Variants in APC observed in about 807,000 individuals in gnomAD.
APC encodes the protein APC regulator of Wnt signaling pathway.
A neutral mutation model predicts 247.0 loss-of-function variants in APC; 72 were observed. The ratio of observed to expected loss-of-function variants is 0.29; its 90% confidence interval spans 0.24 to 0.35. The LOEUF (loss-of-function observed/expected upper bound fraction) is 0.35, where lower values mean the gene tolerates loss of function less well. Among genes scored for constraint, APC ranks in the 10% least tolerant of loss-of-function variants. APC has a pLI of 1.00. For missense variants in APC, 3,400 were observed against 3,360.7 expected (o/e 1.01, Z -0.29); for synonymous variants, 1,254 against 1,162.5 (o/e 1.08, Z -1.60).
rs563219702 is a variant in APC at position 112,840,913 on chromosome 5, T to C, written c.5319T>C (p.Thr1773=). The change falls in exon 16 of 16, where the codon ACT becomes ACC. Residue 1773 remains threonine, a synonymous_variant. Transcript: ENST00000257430. This position sits in a 1 kb window ranked among gnomAD's most constrained non-coding sequence, Gnocchi z 4.1. Reference sequence around the variant, plus strand: ...TAGATGGTAAGAAAAAGAAACCAACTTCACCAGTAAAACCTATACCACAAA... The same window carrying C: ...TAGATGGTAAGAAAAAGAAACCAACCTCACCAGTAAAACCTATACCACAAA... ...NQLDGKKKKP[T]SPVKPIPQNT... is the part of the protein sequence containing the mutation. 4 of 1,613,870 alleles carry C rather than the reference T, an allele frequency of 2.5e-6. No homozygotes were observed. The African/African-American group carries it at 4.0e-5, about 16-fold the overall frequency.
At chr5:112,834,582 T>C (rs1359041889) in intron 14 of APC, among the ~76,000 whole-genome samples, 2 of 152,140 alleles carry the variant, frequency 1.3e-5, no homozygotes, top group Non-Finnish European at 2.9e-5. Flanking sequence ...CACTTTTTTT[T>C]TTCTTTTTTC....
rs191494702 is a variant in APC, at chr5:112,806,786, C to T, written c.834+5403C>T. Among the ~76,000 whole-genome samples the T allele has an allele frequency of 4.1e-3, 621 of 152,054 alleles. 3 individuals are homozygous for T. Among genetic ancestry groups the T allele is most frequent in the Middle Eastern group, 0.01 (3 of 294 alleles). On this transcript the variant is annotated intron_variant, in intron 8 of 15. Transcript: ENST00000257430. The stretch of plus-strand genomic sequence containing the variant: ...AGAGATAGGATCTCACTATATTGTC[C>T]AGGCTGGTTTTGAATTCCCAAGCTC...
intron 1 of APC, among the ~76,000 whole-genome samples, chr5:112,716,611 TG>T (rs907146688): frequency 2.1e-4 from 32 of 152,324 alleles, no homozygotes; most frequent in African/African-American, 6.0e-4. Context: ...GGTGATCTTT[TG>T]TTTGCTCATC....
chr5:112,792,617 T>C lies in APC; in HGVS notation c.729+88T>C, dbSNP rs79627325. 3.0e-3 allele frequency: 2,735 copies of C among 925,888 alleles called. 84 individuals carry two copies. In the East Asian group the frequency reaches 0.062, roughly 21 times the overall value. 57.4% of individuals were successfully genotyped at this position (925,888 alleles called of 1,614,324 possible). A position where few individuals can be genotyped will look rare whatever the true frequency, so the allele number is the denominator to read the frequency against. On this transcript the variant is annotated intron_variant, in intron 7 of 15. Transcript: ENST00000257430. ...ACATGTATAATTTAATGTGACACCA[T>C]TGAAATATAGATGTTCTTTCAGAGA...
At chr5:112,759,829 T>A (rs1755451912) in intron 2 of APC, among the ~76,000 whole-genome samples, 2 of 152,144 alleles carry the variant, frequency 1.3e-5, no homozygotes, top group African/African-American at 4.8e-5. Flanking sequence ...CAAAGAACTT[T>A]TTGAAACATT....
rs1267993620 is a variant in APC at position 112,844,036 on chromosome 5, G to A, written c.8442G>A (p.Lys2814=). The stretch of plus-strand genomic sequence containing the variant: ...CAACTCCAGTGAATAACAACACAAA[G>A]AAGCGAGATTCCAAAACTGACAGCA... ...QIPTPVNNNT[K]KRDSKTDSTE... Residue 2814 remains lysine, a synonymous_variant, in exon 16 of 16, where the codon AAG becomes AAA. Coordinates refer to ENST00000257430, the MANE Select transcript of APC (RefSeq NM_000038.6). 6.2e-7 allele frequency: 1 copy of A among 1,602,796 alleles called. No individual in the cohort carries two copies. Among genetic ancestry groups the A allele is most frequent in the South Asian group, 1.1e-5 (1 of 88,450 alleles).
At chr5:112,802,896 A>G (rs919937860) in intron 8 of APC, among the ~76,000 whole-genome samples, 1 of 152,120 alleles carries the variant, frequency 6.6e-6, no homozygotes, top group Non-Finnish European at 1.5e-5. Context: ...CCAGCTATTT[A>G]AAGAGTATCT....
At chr5:112,819,761 G>A (rs1302767353) in intron 10 of APC, among the ~76,000 whole-genome samples, 2 of 152,188 alleles carry the variant, frequency 1.3e-5, no homozygotes, top group Non-Finnish European at 1.5e-5. Flanking sequence ...AGGGGATACA[G>A]AGCAGCGTTA....
Position 112,844,005 on chromosome 5 carries a change from A to G in APC, c.8411A>G (p.Gln2804Arg), listed in dbSNP as rs1475247315. 6.2e-7 allele frequency: 1 copy of G among 1,601,546 alleles called. No individual in the cohort carries two copies. The highest frequency in any genetic ancestry group is 1.7e-5 in the Admixed American group (1 of 57,342). Residue 2804 changes from glutamine to arginine, a missense_variant, in exon 16 of 16, where the codon CAG becomes CGG. Physicochemically the swap from Gln to Arg is conservative, Grantham distance 43 (BLOSUM62 1). Around this residue, in one of 9 missense-constraint regions of APC, gnomAD observed 1,788 missense variants for 1,649.5 expected, o/e 1.08. Coordinates refer to ENST00000257430, the MANE Select transcript of APC (RefSeq NM_000038.6). Reference protein sequence around the residue: ...SADSTSARPSQIPTPVNNNTK... With the variant: ...SADSTSARPSRIPTPVNNNTK... ...GATAGCACTTCAGCTCGGCCATCTC[A>G]GATCCCAACTCCAGTGAATAACAAC...
In APC at chr5:112,819,024, C is replaced by T. The variant is rs745918184; in HGVS notation, c.992C>T (p.Ser331Leu). Residue 331 changes from serine (S) to leucine (L), a missense_variant, in exon 10 of 16, where the codon TCG becomes TTG. Physicochemically the swap from Ser to Leu is moderately radical, Grantham distance 145. This residue lies in a region of APC where 199 missense variants were observed against 212.5 expected (regional missense o/e 0.94). Coordinates refer to ENST00000257430, the MANE Select transcript of APC (RefSeq NM_000038.6). ...MLGTHDKDDMSRTLLAMSSSQ... is the reference protein window; with the variant it reads ...MLGTHDKDDMLRTLLAMSSSQ... ...GGTACTCATGATAAGGATGATATGTCGCGAACTTTGCTAGCTATGTCTAGC... is the reference window on the plus strand; with the variant it reads ...GGTACTCATGATAAGGATGATATGTTGCGAACTTTGCTAGCTATGTCTAGC... 1.2e-6 allele frequency: 2 copies of T among 1,613,904 alleles called. No homozygotes were observed. Among genetic ancestry groups the T allele is most frequent in the Non-Finnish European group, 1.7e-6 (2 of 1,179,986 alleles).
Position 112,842,310 on chromosome 5 carries a change from G to T in APC, c.6716G>T (p.Ser2239Ile). 6.2e-7 allele frequency: 1 copy of T among 1,613,740 alleles called. No individual in the cohort carries two copies. The highest frequency in any genetic ancestry group is 2.2e-5 in the East Asian group (1 of 44,876). ...ATTCATATTCCAGGAGTTCGAAATA[G>T]CTCCTCAAGTACAAGTCCTGTTTCT... is the stretch of plus-strand genomic sequence containing the variant. ...TMIHIPGVRN[S>I]SSSTSPVSKK... Residue 2239 changes from serine (S) to isoleucine (I), a missense_variant, in exon 16 of 16, where the codon AGC (serine) becomes ATC (isoleucine). Transcript: ENST00000257430.
chr5:112,792,925 G>A (rs1344897470), intron 7 of APC, among the ~76,000 whole-genome samples: 1 of 152,058 alleles, frequency 6.6e-6, no homozygotes, highest in Non-Finnish European at 1.5e-5. Context: ...AATGAAAGAG[G>A]CATTAAGACC....
At chr5:112,752,948 C>T (rs146819035) in intron 1 of APC, among the ~76,000 whole-genome samples, 48 of 152,212 alleles carry the variant, frequency 3.2e-4, no homozygotes, top group African/African-American at 1.1e-3. Flanking sequence ...TTTTAGCAGT[C>T]TCTGCTCATC....
At position 112,754,984 on chromosome 5, in the gene APC, A is replaced by T. The variant is rs587781972; in HGVS notation, c.94A>T (p.Asn32Tyr). 2 of 1,613,728 alleles carry T rather than the reference A, an allele frequency of 1.2e-6. No homozygotes were observed. Among genetic ancestry groups the T allele is most frequent in the African/African-American group, 2.7e-5 (2 of 74,926 alleles). The change falls in exon 2 of 16, where the codon AAT (asparagine) becomes TAT (tyrosine). Residue 32 changes from asparagine (N) to tyrosine (Y), a missense_variant. Physicochemically the swap from Asn to Tyr is moderately radical, Grantham distance 143. Coordinates refer to ENST00000257430, the MANE Select transcript of APC (RefSeq NM_000038.6). ...TCGACAAGAGCTAGAAGATAATTCC[A>T]ATCATCTTACAAAACTGGAAACTGA... Reference protein sequence around the residue: ...NLRQELEDNSNHLTKLETEAS... With the variant: ...NLRQELEDNSYHLTKLETEAS...
At chr5:112,777,896 T>C (rs1184346775) in intron 5 of APC, 1 of 206,450 alleles carries the variant, frequency 4.8e-6, no homozygotes, top group East Asian at 1.3e-4. Flanking sequence ...TGTCATCAGA[T>C]TCACTGTCAG....
chr5:112,755,806 T>G (rs1754908492), intron 2 of APC, among the ~76,000 whole-genome samples: 1 of 152,154 alleles, frequency 6.6e-6, no homozygotes, highest in East Asian at 1.9e-4. Context: ...GAATTGGACA[T>G]TATCAACAAA....
chr5:112,760,514 G>A (rs1223029317), intron 2 of APC, among the ~76,000 whole-genome samples: 2 of 152,206 alleles, frequency 1.3e-5, no homozygotes, highest in African/African-American at 4.8e-5. Flanking sequence ...TTTAAGGCTA[G>A]AGAGTTAAGT....
Position 112,844,029 on chromosome 5 carries a change from A to G in APC, c.8435A>G (p.Asn2812Ser), listed in dbSNP as rs777495719. Reference protein sequence around the residue: ...PSQIPTPVNNNTKKRDSKTDS... With the variant: ...PSQIPTPVNNSTKKRDSKTDS... The stretch of plus-strand genomic sequence containing the variant: ...CAGATCCCAACTCCAGTGAATAACA[A>G]CACAAAGAAGCGAGATTCCAAAACT... The change falls in exon 16 of 16, where the codon AAC (asparagine) becomes AGC (serine). Residue 2812 changes from asparagine to serine, a missense_variant. Around this residue, in one of 9 missense-constraint regions of APC, gnomAD observed 1,788 missense variants for 1,649.5 expected, o/e 1.08. Coordinates refer to ENST00000257430, the MANE Select transcript of APC (RefSeq NM_000038.6). The G allele has an allele frequency of 3.1e-6, 5 of 1,603,128 alleles. No individual in the cohort carries two copies. Among genetic ancestry groups the G allele is most frequent in the South Asian group, 1.1e-5 (1 of 88,550 alleles).
chr5:112,744,940 C>G (rs914115779), intron 1 of APC, among the ~76,000 whole-genome samples: 1 of 152,022 alleles, frequency 6.6e-6, no homozygotes, highest in East Asian at 1.9e-4. Context: ...TTTTGGAGTT[C>G]CATTTTTCTT....
Sources: allele counts gnomAD v4.1 joint callset (sites outside exome capture counted in the v4.1 genomes callset), GRCh38; gene constraint gnomAD v4.1.1; regional missense constraint gnomAD v4.1.1; non-coding constraint Gnocchi (gnomAD v3.1); transcripts MANE v1.5; gene names NCBI Gene and HGNC (gene_info 2026-07-23, HGNC 2026-07-21).